Variants in CCDC148 observed in about 807,000 individuals in gnomAD.
CCDC148 encodes the protein coiled-coil domain-containing protein 148.
CCDC148 carries 89 observed loss-of-function variants against 85.7 expected under a neutral mutation model. That is an observed-to-expected ratio of 1.04 (90% CI 0.87 to 1.24). The LOEUF (loss-of-function observed/expected upper bound fraction) is 1.24. CCDC148 is among the 50% of genes most tolerant of loss of function. CCDC148 has a pLI of 0.00. For synonymous variants in CCDC148, 230 were observed against 213.9 expected, an observed-to-expected ratio of 1.08 and a Z score of -0.66; for missense variants, 692 against 671.7, an observed-to-expected ratio of 1.03 and a Z score of -0.33.
intron 9 of CCDC148, among the ~76,000 whole-genome samples, chr2:158,277,212 G>A (rs1013856274): frequency 6.6e-6 from 1 of 152,130 alleles, no homozygotes; most frequent in Non-Finnish European, 1.5e-5. Flanking sequence ...ATCACAACTC[G>A]AGGGGATGAT....
rs530682442 is a variant in CCDC148, at chr2:158,376,261, G to C, written c.26-17691C>G. ...GTTTTAACATAGCTAAAAGAGAGCA[G>C]GTTAAAAGATATGTCAGTGGTTCTG... On this transcript the variant is annotated intron_variant, in intron 1 of 13. Transcript: ENST00000283233. Among the ~76,000 whole-genome samples the C allele has an allele frequency of 5.3e-5, 8 of 151,990 alleles. No individual in the cohort carries two copies. In the South Asian group the frequency reaches 1.2e-3, roughly 24 times the overall value.
intron 10 of CCDC148, among the ~76,000 whole-genome samples, chr2:158,231,972 T>C (rs1198735949): frequency 6.6e-6 from 1 of 152,218 alleles, no homozygotes; most frequent in Admixed American, 6.6e-5. Flanking sequence ...GGTATTTAAC[T>C]AGTCCTTTGG....
chr2:158,256,955 C>T (rs1163118185), intron 9 of CCDC148, among the ~76,000 whole-genome samples: 1 of 151,750 alleles, frequency 6.6e-6, no homozygotes, highest in African/African-American at 2.4e-5. Context: ...TAGGCTGTCT[C>T]CAAAGATTAG....
Position 158,178,967 on chromosome 2 carries a change from C to T in CCDC148, c.1400G>A (p.Arg467Lys). Residue 467 changes from arginine (R) to lysine (K), a missense_variant, in exon 12 of 14, where the codon AGG (arginine) becomes AAG (lysine). Physicochemically the swap from Arg to Lys is conservative, Grantham distance 26 (BLOSUM62 2). Coordinates refer to ENST00000283233, the MANE Select transcript of CCDC148 (RefSeq NM_138803.4). ...CACTTCCTTTTTCTCCATCAAACGC[C>T]TTTCCAATAATTCTTGTCTATATTT... ...RVKYRQELLERRLMEKKEVAL... is the reference protein window; with the variant it reads ...RVKYRQELLEKRLMEKKEVAL... The T allele has an allele frequency of 1.2e-6, 2 of 1,613,348 alleles. No individual in the cohort carries two copies. The highest frequency in any genetic ancestry group is 1.7e-6 in the Non-Finnish European group (2 of 1,179,642).
intron 11 of CCDC148, among the ~76,000 whole-genome samples, chr2:158,216,495 C>A (rs999913307): frequency 7.0e-6 from 1 of 142,042 alleles, no homozygotes; most frequent in Non-Finnish European, 1.5e-5. Context: ...CTCCTGGGTT[C>A]AAGCAATTCT....
At chr2:158,323,792 C>T (rs905787582) in intron 7 of CCDC148, among the ~76,000 whole-genome samples, 4 of 151,892 alleles carry the variant, frequency 2.6e-5, no homozygotes, top group Non-Finnish European at 5.9e-5. Flanking sequence ...GTAATAGGTA[C>T]TTATTAAATA....
At chr2:158,253,331 C>G (rs755041043) in intron 9 of CCDC148, among the ~76,000 whole-genome samples, 1 of 151,564 alleles carries the variant, frequency 6.6e-6, no homozygotes, top group African/African-American at 2.4e-5. Flanking sequence ...CTCTAAGTAG[C>G]GTTCCTCCTC....
At chr2:158,313,953 C>CA (rs1243383999) in intron 7 of CCDC148, 59 bp from the exon 8 acceptor site, 1 of 1,537,584 alleles carries the variant, frequency 6.5e-7, no homozygotes, top group Non-Finnish European at 8.8e-7. Flanking sequence ...TTGAGGGACT[C>CA]AAACTGTTCA....
chr2:158,451,793 TA>T (rs1210098740), intron 1 of CCDC148, among the ~76,000 whole-genome samples: 1 of 151,820 alleles, frequency 6.6e-6, no homozygotes, highest in Non-Finnish European at 1.5e-5. Flanking sequence ...ATTTACTTAT[TA>T]AAAAAAACTT....
At chr2:158,192,862 GA>G (rs369190780) in intron 11 of CCDC148, among the ~76,000 whole-genome samples, 6,579 of 130,574 alleles carry the variant, frequency 0.05, 168 homozygotes, top group Non-Finnish European at 0.07. Flanking sequence ...GGTCTAAATA[GA>G]AAAAAAAAAA....
At chr2:158,358,324 AT>A in intron 2 of CCDC148, 124 bp downstream of exon 2, 1 of 1,139,858 alleles carries the variant, frequency 8.8e-7, no homozygotes, top group Non-Finnish European at 1.2e-6. Context: ...ATTCACTATT[AT>A]TTCTACTTGG....
chr2:158,420,312 T>TA (rs950857224), intron 1 of CCDC148, among the ~76,000 whole-genome samples: 13 of 150,528 alleles, frequency 8.6e-5, no homozygotes, highest in African/African-American at 2.9e-4. Flanking sequence ...TCACCAAATG[T>TA]AAAAATGTTA....
At chr2:158,394,848 C>A (rs890934741) in intron 1 of CCDC148, among the ~76,000 whole-genome samples, 5 of 152,030 alleles carry the variant, frequency 3.3e-5, no homozygotes, top group Admixed American at 6.6e-5. Flanking sequence ...CATTCACCCT[C>A]CTCCAACGCC....
chr2:158,176,072 G>A (rs149494325), intron 13 of CCDC148, among the ~76,000 whole-genome samples: 210 of 152,056 alleles, frequency 1.4e-3, no homozygotes, highest in African/African-American at 4.8e-3. Flanking sequence ...CATTAGCTCT[G>A]ATGTATTATC....
intron 1 of CCDC148, among the ~76,000 whole-genome samples, chr2:158,424,370 T>C (rs1023115436): frequency 5.3e-5 from 8 of 152,144 alleles, no homozygotes; most frequent in African/African-American, 1.9e-4. Context: ...ATATACACCA[T>C]GGAATACTAT....
At chr2:158,428,366 A>G (rs906333840) in intron 1 of CCDC148, among the ~76,000 whole-genome samples, 6 of 152,138 alleles carry the variant, frequency 3.9e-5, no homozygotes, top group Non-Finnish European at 5.9e-5. Context: ...TCTGATCCTC[A>G]TTTCTTAACA....
chr2:158,394,998 T>A (rs1685464582), intron 1 of CCDC148, among the ~76,000 whole-genome samples: 1 of 152,108 alleles, frequency 6.6e-6, no homozygotes, highest in Admixed American at 6.6e-5. Flanking sequence ...TCTCTTTAAT[T>A]ATTGACAGAG....
At chr2:158,445,191 C>T (rs1473718782) in intron 1 of CCDC148, among the ~76,000 whole-genome samples, 1 of 152,122 alleles carries the variant, frequency 6.6e-6, no homozygotes, top group African/African-American at 2.4e-5. Flanking sequence ...AACAGTAAAT[C>T]ATTAAATGCC....
At chr2:158,195,159 C>A (rs1457006808) in intron 11 of CCDC148, among the ~76,000 whole-genome samples, 3 of 151,950 alleles carry the variant, frequency 2.0e-5, no homozygotes, top group Admixed American at 6.6e-5. Flanking sequence ...AGTTCACTGG[C>A]TTTATTGGCT....
Sources: allele counts gnomAD v4.1 joint callset (sites outside exome capture counted in the v4.1 genomes callset), GRCh38; gene constraint gnomAD v4.1.1; transcripts MANE v1.5; gene names NCBI Gene and HGNC (gene_info 2026-07-23, HGNC 2026-07-21).